LAMA2: variants seen among roughly 807,000 people sequenced by gnomAD.
LAMA2 encodes the protein laminin subunit alpha 2.
LAMA2 carries 269 observed loss-of-function variants against 364.8 expected under a neutral mutation model. The observed-to-expected ratio is 0.74, with a 90% CI of 0.67 to 0.82. The LOEUF is 0.82. Among genes scored for constraint, LAMA2 ranks in the 40% least tolerant of loss-of-function variants. LAMA2 has a pLI of 0.00. For synonymous variants in LAMA2, 1,379 were observed against 1,370.6 expected (o/e 1.01, Z -0.14); for missense variants, 3,807 against 3,873.2 (o/e 0.98, Z 0.45).
At position 129,260,756 on chromosome 6, in the gene LAMA2, T is replaced by C; in HGVS notation, c.2142T>C (p.Asp714=). 6.2e-7 allele frequency: 1 copy of C among 1,612,976 alleles called. No individual in the cohort carries two copies. Among genetic ancestry groups the C allele is most frequent in the Non-Finnish European group, 8.5e-7 (1 of 1,179,086 alleles). The change falls in exon 15 of 65, where the codon GAT becomes GAC. Residue 714 remains aspartate (D), a synonymous_variant. Transcript: ENST00000421865. ...NLESAVSYPT[D]GSIAAAVEVC... ...AATCCGCTGTCTCCTATCCTACTGA[T>C]GGAAGCATTGCAGCAGCTGTAGAAG...
chr6:129,434,971 T>C (rs1268689742), intron 41 of LAMA2, among the ~76,000 whole-genome samples: 1 of 150,642 alleles, frequency 6.6e-6, no homozygotes, highest in African/African-American at 2.4e-5. Flanking sequence ...CAGAACAGGG[T>C]TGGAATATAC....
chr6:129,138,291 T>G (rs934413934), intron 4 of LAMA2, among the ~76,000 whole-genome samples: 2 of 152,056 alleles, frequency 1.3e-5, no homozygotes, highest in Non-Finnish European at 2.9e-5. Flanking sequence ...TTTCTGAATA[T>G]GCAAATGAGC....
chr6:128,896,403 C>T (rs1776774976), intron 1 of LAMA2, among the ~76,000 whole-genome samples: 1 of 151,368 alleles, frequency 6.6e-6, no homozygotes, highest in Admixed American at 6.6e-5. Flanking sequence ...TCCTCACCCT[C>T]CTTCCATTTT....
At chr6:129,253,956 A>G (rs938230526) in intron 14 of LAMA2, among the ~76,000 whole-genome samples, 9 of 152,220 alleles carry the variant, frequency 5.9e-5, no homozygotes, top group East Asian at 3.8e-4. Context: ...GTAAAAGCCA[A>G]TGTCAAATTT....
chr6:129,435,511 A>G (rs1239054842), intron 41 of LAMA2, among the ~76,000 whole-genome samples: 2 of 152,166 alleles, frequency 1.3e-5, no homozygotes, highest in African/African-American at 4.8e-5. Flanking sequence ...TGGAAAGTAT[A>G]TTTTGTGGGC....
intron 3 of LAMA2, among the ~76,000 whole-genome samples, chr6:129,070,531 C>G (rs1290951366): frequency 6.7e-6 from 1 of 150,142 alleles, no homozygotes; most frequent in Non-Finnish European, 1.5e-5. Context: ...CATTGAAACT[C>G]TTTTGTAACA....
rs115949772 is a variant in LAMA2, at chr6:128,928,113, A to G, written c.112+44756A>G. Among the ~76,000 whole-genome samples, 941 of 152,260 alleles carry G rather than the reference A, an allele frequency of 6.2e-3. 8 individuals carry two copies. Among genetic ancestry groups the G allele is most frequent in the African/African-American group, 0.022 (900 of 41,558 alleles). ...ACTACACAACAATTCCTTCTCCTCT[A>G]CGGTAGCTCAAGAGAGACATGCTTC... On this transcript the variant is annotated intron_variant, in intron 1 of 64. Coordinates refer to ENST00000421865, the MANE Select transcript of LAMA2 (RefSeq NM_000426.4).
chr6:129,143,018 A>G (rs545618980), intron 4 of LAMA2, among the ~76,000 whole-genome samples: 1 of 152,016 alleles, frequency 6.6e-6, no homozygotes, highest in African/African-American at 2.4e-5. Context: ...TATCCGTGCC[A>G]ACAGTACCTT....
intron 45 of LAMA2, 29 bp downstream of exon 45, chr6:129,445,850 A>T (rs759579124): frequency 5.7e-6 from 9 of 1,583,898 alleles, no homozygotes; most frequent in Non-Finnish European, 7.8e-6. Context: ...CAGTATCAGT[A>T]ACTGATTGTA....
chr6:128,899,415 T>G (rs914070222), intron 1 of LAMA2, among the ~76,000 whole-genome samples: 3 of 152,242 alleles, frequency 2.0e-5, no homozygotes, highest in African/African-American at 7.2e-5. Flanking sequence ...TCCAAGATCT[T>G]TAGCTCTTTA....
intron 1 of LAMA2, among the ~76,000 whole-genome samples, chr6:129,031,458 A>T (rs746487692): frequency 3.9e-5 from 6 of 152,220 alleles, no homozygotes; most frequent in Admixed American, 6.5e-5. Flanking sequence ...CTCCTAATTT[A>T]TCAACCAAAC....
chr6:129,057,427 T>G (rs777618206), intron 2 of LAMA2, among the ~76,000 whole-genome samples: 1 of 152,198 alleles, frequency 6.6e-6, no homozygotes, highest in Non-Finnish European at 1.5e-5. Context: ...TAATGATGGT[T>G]TTTAAATGCC....
At chr6:129,294,244 G>A (rs1408137570) in intron 20 of LAMA2, among the ~76,000 whole-genome samples, 1 of 152,162 alleles carries the variant, frequency 6.6e-6, no homozygotes, top group African/African-American at 2.4e-5. Context: ...AATTGGTCAG[G>A]GAGGTTCTAG....
intron 10 of LAMA2, among the ~76,000 whole-genome samples, chr6:129,188,123 C>A (rs1266571508): frequency 1.3e-5 from 2 of 151,814 alleles, no homozygotes; most frequent in African/African-American, 4.8e-5. Flanking sequence ...TTACCATATT[C>A]CACCTTGCAT....
intron 19 of LAMA2, among the ~76,000 whole-genome samples, chr6:129,290,298 A>G (rs1049601330): frequency 2.0e-5 from 3 of 152,314 alleles, no homozygotes. Flanking sequence ...TCGATAAATC[A>G]GATGAAAATG....
rs1491242624 is a variant in LAMA2 at position 129,200,408 on chromosome 6, A to ATATACATATACGTGTATATGTG, written c.1782+7558_1782+7579dup. Among the ~76,000 whole-genome samples the ATATACATATACGTGTATATGTG allele has an allele frequency of 1.1e-3, 171 of 149,698 alleles. 1 individual carries two copies. Among genetic ancestry groups the ATATACATATACGTGTATATGTG allele is most frequent in the African/African-American group, 3.1e-3 (129 of 41,088 alleles). Reference sequence around the variant, plus strand: ...TATACATGTGTATATACATGTACACATATACATATACGTGTATATGTGTAC... The same window carrying ATATACATATACGTGTATATGTG: ...TATACATGTGTATATACATGTACACATATACATATACGTGTATATGTGTATACATATACGTGTATATGTGTAC... On this transcript the variant is annotated intron_variant, in intron 12 of 64. Coordinates refer to ENST00000421865, the MANE Select transcript of LAMA2 (RefSeq NM_000426.4).
intron 62 of LAMA2, among the ~76,000 whole-genome samples, chr6:129,510,966 A>T (rs1040192969): frequency 2.6e-5 from 4 of 152,172 alleles, no homozygotes; most frequent in Non-Finnish European, 5.9e-5. Flanking sequence ...AAATTCACAG[A>T]TGGCTGGCAT....
chr6:129,401,443 G>A, intron 38 of LAMA2, 103 bp downstream of exon 38: 2 of 802,594 alleles, frequency 2.5e-6, no homozygotes, highest in Non-Finnish European at 4.4e-6. Flanking sequence ...TTTTCTTGTG[G>A]AGATAAAATT....
At chr6:128,975,142 G>A (rs565945441) in intron 1 of LAMA2, among the ~76,000 whole-genome samples, 20 of 152,200 alleles carry the variant, frequency 1.3e-4, no homozygotes, top group East Asian at 5.8e-4. Flanking sequence ...CTGAGCCATC[G>A]CGCCTGGCCA....
Sources: gnomAD v4.1 joint callset for allele counts (sites outside exome capture counted in the v4.1 genomes callset) on GRCh38, gnomAD v4.1.1 for gene constraint, MANE v1.5 for transcripts, NCBI Gene and HGNC (gene_info 2026-07-23, HGNC 2026-07-21) for gene names.